TRAPPC9: variants seen among roughly 807,000 people sequenced by gnomAD.
TRAPPC9 encodes the protein trafficking protein particle complex subunit 9.
In TRAPPC9, 83 loss-of-function variants were observed where a neutral mutation model predicts 124.0. That is an observed-to-expected ratio of 0.67 (90% CI 0.56 to 0.80). The LOEUF (loss-of-function observed/expected upper bound fraction) is 0.80. Among genes scored for constraint, TRAPPC9 ranks in the 30% least tolerant of loss-of-function variants. The probability of loss-of-function intolerance (pLI) is 0.00; values close to 1 mark genes in which losing one functional copy is unlikely to be tolerated. For missense variants in TRAPPC9, 1,302 were observed against 1,508.3 expected (o/e 0.86, Z 2.27); for synonymous variants, 638 against 617.5 (o/e 1.03, Z -0.49).
At chr8:139,808,612 T>A (rs1441291564) in intron 21 of TRAPPC9, among the ~76,000 whole-genome samples, 2 of 152,228 alleles carry the variant, frequency 1.3e-5, no homozygotes, top group African/African-American at 4.8e-5. Flanking sequence ...CCACTGGCAG[T>A]CATTCCCTAC....
At chr8:140,163,697 T>A (rs781510547) in intron 17 of TRAPPC9, among the ~76,000 whole-genome samples, 2 of 152,124 alleles carry the variant, frequency 1.3e-5, no homozygotes, top group African/African-American at 2.4e-5. Flanking sequence ...GATTTCCCAA[T>A]AGTTATTGTA....
upstream of TRAPPC9, chr8:140,458,411 G>T: frequency 6.3e-7 from 1 of 1,594,718 alleles, no homozygotes; most frequent in Non-Finnish European, 8.5e-7. Flanking sequence ...TGACTCCCAC[G>T]GTCGTGCCCC....
At chr8:140,106,651 A>G (rs1301972903) in intron 17 of TRAPPC9, among the ~76,000 whole-genome samples, 2 of 152,128 alleles carry the variant, frequency 1.3e-5, no homozygotes, top group Non-Finnish European at 2.9e-5. Flanking sequence ...AGAGAAACAG[A>G]CTGCAAGTCT....
intron 17 of TRAPPC9, among the ~76,000 whole-genome samples, chr8:140,044,273 C>CAAA (rs1224548746): frequency 0.011 from 1,058 of 98,272 alleles, 23 homozygotes; most frequent in African/African-American, 0.038. Flanking sequence ...CAACAACGAC[C>CAAA]AAAAAAAAAA....
chr8:140,169,045 G>A (rs1429083172), intron 17 of TRAPPC9, among the ~76,000 whole-genome samples: 1 of 152,160 alleles, frequency 6.6e-6, no homozygotes, highest in Non-Finnish European at 1.5e-5. Context: ...ACAGGCAGAT[G>A]AACCAACATG....
At chr8:140,261,005 A>C (rs2064392828) in intron 15 of TRAPPC9, among the ~76,000 whole-genome samples, 1 of 152,240 alleles carries the variant, frequency 6.6e-6, no homozygotes, top group Non-Finnish European at 1.5e-5. Context: ...TCTGGGTCCT[A>C]ATACTGCCAT....
At chr8:140,049,141 T>C (rs983178359) in intron 17 of TRAPPC9, among the ~76,000 whole-genome samples, 1 of 152,096 alleles carries the variant, frequency 6.6e-6, no homozygotes, top group Non-Finnish European at 1.5e-5. Context: ...TCTCTTGCTA[T>C]ATAGATATGG....
At chr8:139,741,159 C>T (rs1818531519) in intron 21 of TRAPPC9, among the ~76,000 whole-genome samples, 1 of 152,138 alleles carries the variant, frequency 6.6e-6, no homozygotes, top group Non-Finnish European at 1.5e-5. Flanking sequence ...CCCCATTGGG[C>T]ATGATGCTCC....
intron 17 of TRAPPC9, among the ~76,000 whole-genome samples, chr8:140,128,608 G>A (rs181186199): frequency 4.6e-5 from 7 of 152,378 alleles, no homozygotes; most frequent in Admixed American, 1.3e-4. Flanking sequence ...TGTGCTCCTT[G>A]TACGGCAGAT....
In TRAPPC9 at chr8:139,853,409, C is replaced by G. The variant is rs1015489409; in HGVS notation, c.3055+32470G>C. Among the ~76,000 whole-genome samples, 5 of 152,186 alleles carry G rather than the reference C, an allele frequency of 3.3e-5. No individual in the cohort carries two copies. The East Asian group carries it at 5.8e-4, about 18-fold the overall frequency. On this transcript the variant is annotated intron_variant, in intron 21 of 22. Transcript: ENST00000438773. ...CGCGCCCATGGTACCTATGACTCCC[C>G]CATCTTATTCACCAAAGAGACTCTG...
chr8:139,755,015 G>A (rs1016225372), intron 21 of TRAPPC9, among the ~76,000 whole-genome samples: 3 of 152,230 alleles, frequency 2.0e-5, no homozygotes, highest in South Asian at 4.1e-4. Context: ...CAAAGCCATC[G>A]GTCTTGGCTG....
At chr8:140,100,527 T>G (rs1350505805) in intron 17 of TRAPPC9, 1 of 152,324 alleles carries the variant, frequency 6.6e-6, no homozygotes, top group African/African-American at 2.4e-5. Flanking sequence ...AGGTCTTCCA[T>G]GTACCGCTGC....
intron 21 of TRAPPC9, among the ~76,000 whole-genome samples, chr8:139,764,186 C>G (rs1346380145): frequency 6.6e-6 from 1 of 152,076 alleles, no homozygotes. Context: ...GTGGTGGGAG[C>G]TGCAGCCTGG....
intron 17 of TRAPPC9, 48 bp from the exon 18 acceptor site, chr8:140,024,127 T>G: frequency 6.2e-7 from 1 of 1,603,116 alleles, no homozygotes; most frequent in Non-Finnish European, 8.5e-7. Context: ...TTAGTAACTC[T>G]CTAGTTTGAT....
rs117876653 is a variant in TRAPPC9, at chr8:139,928,777, G to A, written c.2811-18477C>T. ...TCCTTCCTGGGAATCCCAAGGCACC[G>A]TACAGTCTGTGTATGGCGCTCACAG... is the stretch of plus-strand genomic sequence containing the variant. On this transcript the variant is annotated intron_variant, in intron 19 of 22. Transcript: ENST00000438773. 1.5e-4 allele frequency among the ~76,000 whole-genome samples: 23 copies of A among 150,876 alleles called. No homozygotes were observed. The East Asian group carries it at 3.4e-3, about 22-fold the overall frequency.
chr8:140,211,780 G>T (rs2063067701), intron 17 of TRAPPC9, among the ~76,000 whole-genome samples: 1 of 152,172 alleles, frequency 6.6e-6, no homozygotes, highest in Non-Finnish European at 1.5e-5. Flanking sequence ...CATGGAGAGG[G>T]GCTGTCTGGC....
At chr8:139,981,102 G>C (rs1015198073) in intron 19 of TRAPPC9, among the ~76,000 whole-genome samples, 1 of 152,184 alleles carries the variant, frequency 6.6e-6, no homozygotes, top group Non-Finnish European at 1.5e-5. Flanking sequence ...CAGGCTGAAC[G>C]CAAACGTTCC....
intron 6 of TRAPPC9, among the ~76,000 whole-genome samples, chr8:140,401,292 C>G (rs2069257649): frequency 6.6e-6 from 1 of 152,182 alleles, no homozygotes; most frequent in Non-Finnish European, 1.5e-5. Context: ...AAAGGGTAGG[C>G]TTCATTCCTC....
intron 18 of TRAPPC9, among the ~76,000 whole-genome samples, chr8:139,991,452 C>T (rs1480338341): frequency 6.6e-6 from 1 of 152,146 alleles, no homozygotes; most frequent in Non-Finnish European, 1.5e-5. Flanking sequence ...TTTCCTTTCC[C>T]AGACTGCAGC....
Sources: allele counts gnomAD v4.1 joint callset (sites outside exome capture counted in the v4.1 genomes callset), GRCh38; gene constraint gnomAD v4.1.1; transcripts MANE v1.5; gene names NCBI Gene and HGNC (gene_info 2026-07-23, HGNC 2026-07-21).